The following GABRG3 variants were observed in gnomAD, a reference collection of about 807,000 sequenced individuals.
GABRG3 encodes gamma-aminobutyric acid receptor subunit gamma-3.
In GABRG3, 25 loss-of-function variants were observed where a neutral mutation model predicts 48.8. The ratio of observed to expected loss-of-function variants is 0.51; its 90% CI spans 0.37 to 0.72. GABRG3 has a LOEUF of 0.72. GABRG3 is among the 30% of genes least tolerant of loss of function. The pLI, the probability that GABRG3 is intolerant of heterozygous loss-of-function variation, is 0.00. For missense variants in GABRG3, 394 were observed against 577.9 expected, an observed-to-expected ratio of 0.68 and a Z score of 3.26; for synonymous variants, 227 against 217.6, an observed-to-expected ratio of 1.04 and a Z score of -0.38.
At chr15:27,480,137 C>T (rs189184318) in intron 5 of GABRG3, among the ~76,000 whole-genome samples, 1 of 152,338 alleles carries the variant, frequency 6.6e-6, no homozygotes, top group East Asian at 1.9e-4. Context: ...TGAAGCAGGT[C>T]AACATTCACC....
intron 5 of GABRG3, among the ~76,000 whole-genome samples, chr15:27,385,502 C>T (rs552778153): frequency 1.3e-5 from 2 of 152,112 alleles, no homozygotes; most frequent in East Asian, 3.9e-4. Flanking sequence ...TATCATTTCA[C>T]CTGTGTTGAA....
intron 3 of GABRG3, among the ~76,000 whole-genome samples, chr15:27,282,420 G>A (rs184208093): frequency 9.9e-5 from 15 of 152,198 alleles, no homozygotes; most frequent in Admixed American, 6.5e-4. Flanking sequence ...TTCCTCTGTC[G>A]TTAACATTGG....
chr15:26,988,608 G>A (rs1251442330), intron 2 of GABRG3, among the ~76,000 whole-genome samples: 2 of 152,000 alleles, frequency 1.3e-5, no homozygotes, highest in Non-Finnish European at 2.9e-5. Flanking sequence ...AACAATCTCT[G>A]CCTTTAAATT....
chr15:27,115,544 C>G (rs1278480347), intron 3 of GABRG3, among the ~76,000 whole-genome samples: 1 of 152,142 alleles, frequency 6.6e-6, no homozygotes, highest in Non-Finnish European at 1.5e-5. Flanking sequence ...CCCAAAACTC[C>G]TTGGATCTGT....
intron 3 of GABRG3, among the ~76,000 whole-genome samples, chr15:27,255,758 C>T (rs970216825): frequency 2.6e-5 from 4 of 152,172 alleles, no homozygotes; most frequent in African/African-American, 9.7e-5. Flanking sequence ...GATACATCTG[C>T]TGAGGGCAGA....
At chr15:27,270,810 G>A (rs545072520) in intron 3 of GABRG3, among the ~76,000 whole-genome samples, 1 of 152,208 alleles carries the variant, frequency 6.6e-6, no homozygotes, top group South Asian at 2.1e-4. Context: ...CAGCTTATAC[G>A]TGCACTGAAA....
intron 2 of GABRG3, among the ~76,000 whole-genome samples, chr15:26,978,331 T>G (rs1045610635): frequency 1.3e-5 from 2 of 152,196 alleles, no homozygotes; most frequent in South Asian, 4.1e-4. Flanking sequence ...CTAATATTGA[T>G]GAAATCCAAT....
At chr15:27,478,071 G>T (rs921050077) in intron 5 of GABRG3, among the ~76,000 whole-genome samples, 4 of 149,770 alleles carry the variant, frequency 2.7e-5, no homozygotes, top group African/African-American at 9.8e-5. Context: ...AAGAAAGAAA[G>T]AAAGAAAAGG....
chr15:27,052,170 G>C (rs1896466895), intron 3 of GABRG3, among the ~76,000 whole-genome samples: 2 of 152,204 alleles, frequency 1.3e-5, no homozygotes, highest in Non-Finnish European at 2.9e-5. Flanking sequence ...AGAATGCCAT[G>C]TCTGGTAGAA....
intron 3 of GABRG3, 80 bp from the exon 4 acceptor site, chr15:27,326,729 A>G (rs1893627310): frequency 1.7e-6 from 2 of 1,159,908 alleles, no homozygotes; most frequent in Non-Finnish European, 2.6e-6. Context: ...TGGAGAGAAC[A>G]CAACGTTTGA....
intron 2 of GABRG3, among the ~76,000 whole-genome samples, chr15:27,002,061 A>C (rs1399110016): frequency 1.3e-5 from 2 of 152,194 alleles, no homozygotes; most frequent in Non-Finnish European, 2.9e-5. Context: ...AACAGTGAGA[A>C]GCTTCAACTT....
At chr15:27,242,688 G>C (rs1890163314) in intron 3 of GABRG3, among the ~76,000 whole-genome samples, 1 of 152,190 alleles carries the variant, frequency 6.6e-6, no homozygotes, top group Non-Finnish European at 1.5e-5. Flanking sequence ...GTCTTGATTT[G>C]ACAGAGTAGG....
At chr15:27,030,982 A>T (rs897374206) in intron 3 of GABRG3, among the ~76,000 whole-genome samples, 3 of 152,004 alleles carry the variant, frequency 2.0e-5, no homozygotes, top group African/African-American at 4.8e-5. Context: ...AAATTAATAA[A>T]TTTTTTGAGC....
chr15:27,085,062 T>C (rs1476023362), intron 3 of GABRG3, among the ~76,000 whole-genome samples: 1 of 152,202 alleles, frequency 6.6e-6, no homozygotes, highest in Non-Finnish European at 1.5e-5. Flanking sequence ...GCTTATTCGA[T>C]ACTCAGCAGG....
intron 3 of GABRG3, among the ~76,000 whole-genome samples, chr15:27,267,715 C>T (rs1890964813): frequency 1.3e-5 from 2 of 152,130 alleles, no homozygotes; most frequent in African/African-American, 4.8e-5. Context: ...TTCTAGTTTA[C>T]TGAGAGTTTT....
chr15:27,382,441 A>G (rs907326969), intron 5 of GABRG3, among the ~76,000 whole-genome samples: 1 of 152,208 alleles, frequency 6.6e-6, no homozygotes, highest in Non-Finnish European at 1.5e-5. Context: ...GAAAAAAACA[A>G]GTAAAAGTTC....
chr15:27,405,007 A>G (rs1887589653), intron 5 of GABRG3, among the ~76,000 whole-genome samples: 1 of 152,222 alleles, frequency 6.6e-6, no homozygotes, highest in Non-Finnish European at 1.5e-5. Context: ...CAAGTGTGAT[A>G]TTGATAGAAG....
At chr15:27,155,528 A>C (rs1898402612) in intron 3 of GABRG3, among the ~76,000 whole-genome samples, 1 of 152,166 alleles carries the variant, frequency 6.6e-6, no homozygotes, top group South Asian at 2.1e-4. Context: ...ATTTTATGCA[A>C]CAGTCTATCT....
intron 2 of GABRG3, among the ~76,000 whole-genome samples, chr15:27,005,082 T>C (rs1046091139): frequency 1.3e-5 from 2 of 152,234 alleles, no homozygotes; most frequent in African/African-American, 4.8e-5. Flanking sequence ...CTGTAAGTTA[T>C]TGGGGGTACA....
Sources: gnomAD v4.1 joint callset for allele counts (sites outside exome capture counted in the v4.1 genomes callset) on GRCh38, gnomAD v4.1.1 for gene constraint, MANE v1.5 for transcripts, NCBI Gene and HGNC (gene_info 2026-07-23, HGNC 2026-07-21) for gene names.